Variants in CPNE4 observed in about 807,000 individuals in gnomAD.
CPNE4 encodes the protein copine-4.
A neutral mutation model predicts 67.9 loss-of-function variants in CPNE4; 25 were observed. That is an observed-to-expected ratio of 0.37 (90% confidence interval 0.27 to 0.51). The LOEUF (loss-of-function observed/expected upper bound fraction) is 0.51. Ranked by LOEUF, CPNE4 falls within the 20% of genes least tolerant of loss-of-function variation. The pLI is 0.93. For synonymous variants in CPNE4, 242 were observed against 244.9 expected, an observed-to-expected ratio of 0.99 and a Z score of 0.11; for missense variants, 464 against 690.8, an observed-to-expected ratio of 0.67 and a Z score of 3.68.
At chr3:131,999,240 G>GAAAAAA (rs2073366807) in intron 1 of CPNE4, among the ~76,000 whole-genome samples, 1 of 10,358 alleles carries the variant, frequency 9.7e-5, no homozygotes, top group African/African-American at 4.8e-4. Context: ...TTTATCCAAG[G>GAAAAAA]TAAAAAAAAA....
At chr3:131,915,905 C>T (rs866434944) in intron 1 of CPNE4, among the ~76,000 whole-genome samples, 2 of 152,158 alleles carry the variant, frequency 1.3e-5, no homozygotes, top group Non-Finnish European at 2.9e-5. Context: ...ATGTTTATTG[C>T]ATCACATTTA....
chr3:131,586,119 T>A (rs1938164665), intron 8 of CPNE4, among the ~76,000 whole-genome samples: 1 of 152,160 alleles, frequency 6.6e-6, no homozygotes, highest in African/African-American at 2.4e-5. Context: ...AGTTGAGGCA[T>A]CTCTAATTAG....
At chr3:131,672,937 C>T (rs1022151323) in intron 6 of CPNE4, among the ~76,000 whole-genome samples, 2 of 151,814 alleles carry the variant, frequency 1.3e-5, no homozygotes, top group Non-Finnish European at 2.9e-5. Context: ...AGAGAGTTTC[C>T]CTAATGTTTT....
chr3:131,697,778 T>G (rs2081189211), intron 4 of CPNE4, among the ~76,000 whole-genome samples: 1 of 152,216 alleles, frequency 6.6e-6, no homozygotes, highest in Admixed American at 6.5e-5. Context: ...CCCTTAAGTA[T>G]TTTGTGATCA....
intron 1 of CPNE4, among the ~76,000 whole-genome samples, chr3:132,015,667 A>C (rs1165808381): frequency 2.0e-5 from 3 of 152,206 alleles, no homozygotes; most frequent in African/African-American, 7.2e-5. Flanking sequence ...TTACTCGAGG[A>C]CAAAAATCAA....
chr3:131,684,060 T>C (rs1008326234), intron 6 of CPNE4, among the ~76,000 whole-genome samples: 14 of 152,170 alleles, frequency 9.2e-5, no homozygotes, highest in Non-Finnish European at 1.6e-4. Flanking sequence ...AATTCAAGAC[T>C]GTCTTTCCTA....
chr3:131,558,796 A>G (rs72997292), intron 11 of CPNE4, among the ~76,000 whole-genome samples: 4,440 of 152,044 alleles, frequency 0.029, 217 homozygotes, highest in African/African-American at 0.097. Flanking sequence ...TCTGAAGCAG[A>G]GGTCTTAAAA....
intron 1 of CPNE4, among the ~76,000 whole-genome samples, chr3:131,989,144 C>A (rs2073120687): frequency 6.6e-6 from 1 of 152,158 alleles, no homozygotes; most frequent in Non-Finnish European, 1.5e-5. Context: ...TCTCAGGTGC[C>A]ACACAAAGGG....
intron 8 of CPNE4, among the ~76,000 whole-genome samples, chr3:131,585,090 C>T (rs886550106): frequency 6.6e-6 from 1 of 152,192 alleles, no homozygotes; most frequent in Non-Finnish European, 1.5e-5. Context: ...TTCTCTCACT[C>T]ATTACATATT....
intron 7 of CPNE4, among the ~76,000 whole-genome samples, chr3:131,636,368 G>A (rs1455574372): frequency 6.6e-6 from 1 of 152,100 alleles, no homozygotes; most frequent in Non-Finnish European, 1.5e-5. Context: ...TGTGACTGCT[G>A]TCTTTCCTCT....
Position 131,717,320 on chromosome 3 carries a change from G to A in CPNE4, c.360+6126C>T, listed in dbSNP as rs954530195. ...AAAGAGATGTCCTTACATATGCCTT[G>A]ATTTTTTAATTCTTTATTATTTGTT... On this transcript the variant is annotated intron_variant, in intron 3 of 15. Transcript: ENST00000429747. Among the ~76,000 whole-genome samples the A allele has an allele frequency of 1.1e-4, 17 of 150,426 alleles. No homozygotes were observed. In the South Asian group the frequency reaches 1.3e-3, roughly 11 times the overall value.
At chr3:131,831,741 T>C (rs1422899995) in intron 2 of CPNE4, among the ~76,000 whole-genome samples, 3 of 152,198 alleles carry the variant, frequency 2.0e-5, no homozygotes, top group Non-Finnish European at 2.9e-5. Context: ...TTTAACATCA[T>C]CTCTTGTGTC....
intron 2 of CPNE4, among the ~76,000 whole-genome samples, chr3:131,820,212 G>A (rs76510076): frequency 0.023 from 3,528 of 152,244 alleles, 124 homozygotes; most frequent in African/African-American, 0.079. Context: ...AATGCCCTTC[G>A]GACTAACATC....
intron 1 of CPNE4, among the ~76,000 whole-genome samples, chr3:132,003,242 G>T (rs13081722): frequency 0.23 from 35,315 of 152,004 alleles, 5,284 homozygotes; most frequent in South Asian, 0.38. Context: ...CATCATGGCT[G>T]CCTCTTTAGC....
intron 8 of CPNE4, among the ~76,000 whole-genome samples, chr3:131,584,698 T>C (rs1339715708): frequency 6.6e-6 from 1 of 152,206 alleles, no homozygotes; most frequent in Non-Finnish European, 1.5e-5. Flanking sequence ...TCCAGTAGAA[T>C]TTTCTCAATA....
At chr3:131,631,965 G>C (rs1172411978) in intron 7 of CPNE4, among the ~76,000 whole-genome samples, 4 of 150,052 alleles carry the variant, frequency 2.7e-5, no homozygotes, top group African/African-American at 9.9e-5. Context: ...GCACCCTGTA[G>C]TCCCAGCTTC....
Position 131,581,675 on chromosome 3 carries a change from G to C in CPNE4, c.781-10C>G. 6.3e-7 allele frequency: 1 copy of C among 1,593,970 alleles called. No homozygotes were observed. The highest frequency in any genetic ancestry group is 8.6e-7 in the Non-Finnish European group (1 of 1,161,638). ...TGCACTCCCACTGCACCTGAAAGAA[G>C]GGTCATAGCATGAGAATCTGTTCAG... On this transcript the variant is annotated splice_polypyrimidine_tract_variant and intron_variant, in intron 8 of 15. Coordinates refer to ENST00000429747, the MANE Select transcript of CPNE4 (RefSeq NM_130808.3).
At position 132,008,844 on chromosome 3, in the gene CPNE4, CATT is replaced by C. The variant is rs149504024; in HGVS notation, c.-2+25720_-2+25722del. 7.2e-3 allele frequency among the ~76,000 whole-genome samples: 1,103 copies of C among 152,228 alleles called. 16 individuals carry two copies. Among genetic ancestry groups the C allele is most frequent in the African/African-American group, 0.025 (1,040 of 41,544 alleles). On this transcript the variant is annotated intron_variant, in intron 1 of 15. Coordinates refer to ENST00000429747, the MANE Select transcript of CPNE4 (RefSeq NM_130808.3). ...CAAGAAGGAGATGTCTCACTCTAAGCATTATTATAAAAATTCACAGGCAGTCCA... is the reference window on the plus strand; with the variant it reads ...CAAGAAGGAGATGTCTCACTCTAAGCATTATAAAAATTCACAGGCAGTCCA...
chr3:131,915,203 C>A (rs1190341389), intron 1 of CPNE4, among the ~76,000 whole-genome samples: 1 of 152,074 alleles, frequency 6.6e-6, no homozygotes, highest in Non-Finnish European at 1.5e-5. Flanking sequence ...TGTTTTTGAC[C>A]AATTCTTATA....
Sources: gnomAD v4.1 joint callset for allele counts (sites outside exome capture counted in the v4.1 genomes callset) on GRCh38, gnomAD v4.1.1 for gene constraint, MANE v1.5 for transcripts, NCBI Gene and HGNC (gene_info 2026-07-23, HGNC 2026-07-21) for gene names.